ZBBX: variants seen among roughly 807,000 people sequenced by gnomAD.
ZBBX encodes the protein zinc finger B-box domain containing.
ZBBX carries 101 observed loss-of-function variants against 108.5 expected under a neutral mutation model. The ratio of observed to expected loss-of-function variants is 0.93; its 90% CI spans 0.79 to 1.10. ZBBX has a LOEUF of 1.10. Ranked by LOEUF, ZBBX falls within the 50% of genes least tolerant of loss-of-function variation. The pLI, the probability that ZBBX is intolerant of heterozygous loss-of-function variation, is 0.00. For synonymous variants in ZBBX, 356 were observed against 323.4 expected (o/e 1.10, Z -1.08); for missense variants, 1,009 against 941.4 (o/e 1.07, Z -0.94).
At chr3:167,297,402 A>C (rs1731863338) in intron 18 of ZBBX, among the ~76,000 whole-genome samples, 1 of 152,072 alleles carries the variant, frequency 6.6e-6, no homozygotes, top group Non-Finnish European at 1.5e-5. Context: ...TCGATCAAAG[A>C]CCTATATGTA....
Position 167,368,476 on chromosome 3 carries a change from T to A in ZBBX, c.167A>T (p.Glu56Val). The A allele has an allele frequency of 6.2e-7, 1 of 1,611,338 alleles. No individual in the cohort carries two copies. The highest frequency in any genetic ancestry group is 8.5e-7 in the Non-Finnish European group (1 of 1,178,038). ...TTTCACTCACTCTCTATCTTCCTTT[T>A]CTTTGTTTCTTGTGGATCGGAATTC... ...LQEFRSTRNK[E>V]KEDRESSEYY... Residue 56 changes from glutamate (E) to valine (V), a missense_variant, in exon 5 of 22, where the codon GAA becomes GTA. Transcript: ENST00000675490.
the ZBBX span, among the ~76,000 whole-genome samples, chr3:167,216,648 AAG>A: frequency 1.3e-5 from 2 of 152,176 alleles, no homozygotes; most frequent in Non-Finnish European, 2.9e-5. Context: ...GAACAAAAAA[AAG>A]AGCCTGAATA....
At chr3:167,375,089 A>G (rs1055528164) in intron 2 of ZBBX, among the ~76,000 whole-genome samples, 1 of 152,150 alleles carries the variant, frequency 6.6e-6, no homozygotes, top group African/African-American at 2.4e-5. Context: ...AGCAGGGAAA[A>G]CGTAAGTCTA....
intron 20 of ZBBX, among the ~76,000 whole-genome samples, chr3:167,257,045 C>T (rs1208332395): frequency 6.6e-6 from 1 of 152,154 alleles, no homozygotes; most frequent in Non-Finnish European, 1.5e-5. Context: ...TAAGGAACCT[C>T]CAAACTGTTC....
In ZBBX at chr3:167,298,385, A is replaced by G. The variant is rs1049940192; in HGVS notation, c.1799T>C (p.Phe600Ser). 3.8e-6 allele frequency: 6 copies of G among 1,598,832 alleles called. No homozygotes were observed. The highest frequency in any genetic ancestry group is 2.3e-5 in the East Asian group (1 of 44,320). Residue 600 changes from phenylalanine (F) to serine (S), a missense_variant, in exon 18 of 22, where the codon TTT becomes TCT. Phe to Ser is a radical substitution (Grantham distance 155). Coordinates refer to ENST00000675490, the MANE Select transcript of ZBBX (RefSeq NM_001199201.2). ...TAAGTTGAGTCTTTCATTTGTATCA[A>G]AAATAAAGAATCTCTCAAGTCCTTG... ...QYQGLERFFI[F>S]DTNERLNLLP...
chr3:167,253,353 G>A (rs541068133), intron 20 of ZBBX, among the ~76,000 whole-genome samples: 2 of 152,280 alleles, frequency 1.3e-5, no homozygotes, highest in East Asian at 3.9e-4. Flanking sequence ...GTGAAAAGAA[G>A]TAAGGAGGAG....
chr3:167,204,193 T>C, the ZBBX span, among the ~76,000 whole-genome samples: 29 of 132,426 alleles, frequency 2.2e-4, no homozygotes, highest in African/African-American at 8.6e-4. Context: ...CAATTTTCTT[T>C]TTTTCTTTTT....
chr3:167,241,446 T>C (rs1449497679), intron 21 of ZBBX, among the ~76,000 whole-genome samples: 4 of 152,182 alleles, frequency 2.6e-5, no homozygotes, highest in African/African-American at 9.6e-5. Context: ...GTTAGTAAGG[T>C]CCCCTTATAT....
chr3:167,334,020 CAT>C, intron 9 of ZBBX, 35 bp from the exon 10 acceptor site: 1 of 1,395,084 alleles, frequency 7.2e-7, no homozygotes, highest in Non-Finnish European at 9.6e-7. Context: ...TAAAGCGCCT[CAT>C]ATGTTAACCT....
intron 5 of ZBBX, chr3:167,366,823 A>G (rs913977349): frequency 4.4e-6 from 2 of 455,812 alleles, no homozygotes; most frequent in Non-Finnish European, 8.8e-6. Context: ...GATGAGTATC[A>G]TGATCCATTT....
chr3:167,298,104 TA>T (rs1381101080), intron 18 of ZBBX, among the ~76,000 whole-genome samples, 200 bp downstream of exon 18: 2 of 151,994 alleles, frequency 1.3e-5, no homozygotes, highest in Admixed American at 6.6e-5. Flanking sequence ...TTCTAAATGC[TA>T]AAAAATCTTT....
chr3:167,223,811 T>A, the ZBBX span, among the ~76,000 whole-genome samples: 1 of 151,970 alleles, frequency 6.6e-6, no homozygotes, highest in Admixed American at 6.6e-5. Context: ...ATTAAAGGTG[T>A]TCTTAGCGAG....
chr3:167,298,978 C>G (rs866348003), intron 17 of ZBBX, among the ~76,000 whole-genome samples: 1 of 151,968 alleles, frequency 6.6e-6, no homozygotes, highest in African/African-American at 2.4e-5. Flanking sequence ...TAATTTATGA[C>G]GTTTATATAG....
chr3:167,311,270 T>C (rs1403249437), intron 16 of ZBBX, among the ~76,000 whole-genome samples: 1 of 152,144 alleles, frequency 6.6e-6, no homozygotes, highest in African/African-American at 2.4e-5. Flanking sequence ...ACAATATATA[T>C]AGACACAGAC....
chr3:167,328,211 G>T, intron 10 of ZBBX, 95 bp from the exon 11 acceptor site: 1 of 1,230,940 alleles, frequency 8.1e-7, no homozygotes, highest in Non-Finnish European at 1.1e-6. Context: ...TTAAAATACA[G>T]GTAGAACTAA....
At chr3:167,345,402 A>C (rs1741257702) in intron 9 of ZBBX, among the ~76,000 whole-genome samples, 1 of 151,954 alleles carries the variant, frequency 6.6e-6, no homozygotes, top group Admixed American at 6.6e-5. Context: ...TTCATATTTA[A>C]GAAATAAGTT....
At chr3:167,386,809 C>T (rs919747860) in intron 1 of ZBBX, among the ~76,000 whole-genome samples, 1 of 152,010 alleles carries the variant, frequency 6.6e-6, no homozygotes, top group South Asian at 2.1e-4. Context: ...GTTTGCTGTA[C>T]TTCATTTGGA....
intron 17 of ZBBX, among the ~76,000 whole-genome samples, chr3:167,303,832 A>G (rs1733136018): frequency 6.6e-6 from 1 of 152,212 alleles, no homozygotes; most frequent in Non-Finnish European, 1.5e-5. Context: ...AGGTATCTCA[A>G]AAATAAGTCA....
chr3:167,312,337 A>T (rs1021644064), intron 16 of ZBBX, among the ~76,000 whole-genome samples: 7 of 152,168 alleles, frequency 4.6e-5, no homozygotes, highest in Admixed American at 2.0e-4. Context: ...GGTATTCTGT[A>T]TGATACTATA....
Sources: gnomAD v4.1 joint callset for allele counts (sites outside exome capture counted in the v4.1 genomes callset) on GRCh38, gnomAD v4.1.1 for gene constraint, MANE v1.5 for transcripts, NCBI Gene and HGNC (gene_info 2026-07-23, HGNC 2026-07-21) for gene names.